EEFSEC: variants seen among roughly 807,000 people sequenced by gnomAD.
EEFSEC encodes the protein selenocysteine-specific elongation factor.
A neutral mutation model predicts 42.1 loss-of-function variants in EEFSEC; 43 were observed. That is an observed-to-expected ratio of 1.02 (90% CI 0.80 to 1.32). The LOEUF is 1.32. EEFSEC is among the 40% of genes most tolerant of loss of function. EEFSEC has a pLI of 0.00. For synonymous variants in EEFSEC, 354 were observed against 339.1 expected (o/e 1.04, Z -0.48); for missense variants, 745 against 803.6 (o/e 0.93, Z 0.88).
chr3:128,231,113 A>C, intron 1 of EEFSEC, among the ~76,000 whole-genome samples: 2 of 140,582 alleles, frequency 1.4e-5, no homozygotes, highest in South Asian at 2.3e-4. Flanking sequence ...CCTCCCCCTC[A>C]CTCATTTTAG....
At chr3:128,288,784 C>T (rs140070070) in intron 4 of EEFSEC, among the ~76,000 whole-genome samples, 4 of 152,352 alleles carry the variant, frequency 2.6e-5, no homozygotes, top group African/African-American at 9.6e-5. Context: ...GATGCCAGAA[C>T]CAAAGGCCTG....
intron 1 of EEFSEC, among the ~76,000 whole-genome samples, chr3:128,238,088 T>A (rs1301361918): frequency 6.6e-6 from 1 of 152,194 alleles, no homozygotes; most frequent in Non-Finnish European, 1.5e-5. Context: ...GATTTCTCTT[T>A]ATGGAAATGG....
chr3:128,302,254 ACT>A (rs1313368821), intron 4 of EEFSEC, among the ~76,000 whole-genome samples: 1 of 152,126 alleles, frequency 6.6e-6, no homozygotes, highest in Admixed American at 6.5e-5. Context: ...CTATTTTAAT[ACT>A]GTTTAATTTT....
intron 6 of EEFSEC, among the ~76,000 whole-genome samples, chr3:128,377,656 A>G (rs2067725486): frequency 6.6e-6 from 1 of 152,254 alleles, no homozygotes; most frequent in Non-Finnish European, 1.5e-5. Context: ...CATTGCTGGA[A>G]GCATCTCTGT....
chr3:128,361,595 A>G (rs1217102361), intron 6 of EEFSEC, among the ~76,000 whole-genome samples: 1 of 152,168 alleles, frequency 6.6e-6, no homozygotes, highest in East Asian at 1.9e-4. Context: ...CCTCAGAGAC[A>G]AGGGTCCTGA....
intron 1 of EEFSEC, among the ~76,000 whole-genome samples, chr3:128,216,488 T>C (rs1239696938): frequency 6.6e-6 from 1 of 152,144 alleles, no homozygotes; most frequent in Non-Finnish European, 1.5e-5. Context: ...CAGGTGGCTC[T>C]CCATACCAGA....
intron 1 of EEFSEC, among the ~76,000 whole-genome samples, chr3:128,184,074 A>G (rs1395374534): frequency 6.6e-6 from 1 of 152,202 alleles, no homozygotes; most frequent in African/African-American, 2.4e-5. Context: ...AAGCCAAACA[A>G]TTCCTAGATT....
At chr3:128,329,468 C>T (rs1294449657) in intron 4 of EEFSEC, among the ~76,000 whole-genome samples, 1 of 151,294 alleles carries the variant, frequency 6.6e-6, no homozygotes, top group East Asian at 1.9e-4. Flanking sequence ...GAGCTAAAGG[C>T]ATGGCTACAT....
intron 1 of EEFSEC, among the ~76,000 whole-genome samples, chr3:128,160,799 C>T (rs1156417105): frequency 6.6e-6 from 1 of 152,040 alleles, no homozygotes; most frequent in Non-Finnish European, 1.5e-5. Context: ...TGCGCACACA[C>T]ACGCGCGCAC....
chr3:128,373,749 G>A (rs991496767), intron 6 of EEFSEC, among the ~76,000 whole-genome samples: 1 of 152,172 alleles, frequency 6.6e-6, no homozygotes. Context: ...CTGTCCTTGG[G>A]GTGGGTCAGC....
chr3:128,193,620 A>C (rs918918405), intron 1 of EEFSEC, among the ~76,000 whole-genome samples: 3 of 152,166 alleles, frequency 2.0e-5, no homozygotes, highest in Admixed American at 6.5e-5. Context: ...CACCATACCT[A>C]TGTGTTTTAC....
intron 6 of EEFSEC, among the ~76,000 whole-genome samples, chr3:128,399,108 T>TA (rs3037459): frequency 1.2e-4 from 18 of 150,864 alleles, no homozygotes; most frequent in East Asian, 5.9e-4. Flanking sequence ...ATAAATAAAA[T>TA]AAAAAAAAAC....
intron 5 of EEFSEC, among the ~76,000 whole-genome samples, chr3:128,346,032 C>G (rs1325073674): frequency 6.6e-6 from 1 of 152,212 alleles, no homozygotes; most frequent in East Asian, 1.9e-4. Flanking sequence ...ATGCTGAGGA[C>G]AGTTATTGAA....
At chr3:128,422,700 C>T in the EEFSEC span, among the ~76,000 whole-genome samples, 1 of 152,234 alleles carries the variant, frequency 6.6e-6, no homozygotes, top group Non-Finnish European at 1.5e-5. Context: ...GGCCAGGGAC[C>T]AGAGGGAGCT....
chr3:128,313,649 T>G (rs980373878), intron 4 of EEFSEC, among the ~76,000 whole-genome samples: 4 of 152,192 alleles, frequency 2.6e-5, no homozygotes, highest in African/African-American at 9.7e-5. Context: ...GCATCTCCAT[T>G]TTTAACAGGG....
chr3:128,343,409 A>T (rs1034130174), intron 5 of EEFSEC, among the ~76,000 whole-genome samples: 1 of 151,624 alleles, frequency 6.6e-6, no homozygotes, highest in Non-Finnish European at 1.5e-5. Flanking sequence ...CTGAGGAGCA[A>T]CCCCTTCCTC....
chr3:128,237,453 A>G (rs1202399658), intron 1 of EEFSEC, among the ~76,000 whole-genome samples: 1 of 152,074 alleles, frequency 6.6e-6, no homozygotes, highest in Non-Finnish European at 1.5e-5. Context: ...GTAGACATCC[A>G]ATTTTATTTT....
At chr3:128,154,585 G>A (rs1164858551) in intron 1 of EEFSEC, among the ~76,000 whole-genome samples, 1 of 152,020 alleles carries the variant, frequency 6.6e-6, no homozygotes, top group Non-Finnish European at 1.5e-5. Context: ...GAGTAGCTGG[G>A]ATTACAGGCG....
At chr3:128,202,596 A>G (rs1265638050) in intron 1 of EEFSEC, among the ~76,000 whole-genome samples, 17 of 152,212 alleles carry the variant, frequency 1.1e-4, no homozygotes. Context: ...GAATAAAGAT[A>G]GTTTTACTTC....
Sources: gnomAD v4.1 joint callset for allele counts (sites outside exome capture counted in the v4.1 genomes callset) on GRCh38, gnomAD v4.1.1 for gene constraint, MANE v1.5 for transcripts, NCBI Gene and HGNC (gene_info 2026-07-23, HGNC 2026-07-21) for gene names.